DYM: variants seen among roughly 807,000 people sequenced by gnomAD.
The protein encoded by DYM is dyggve-Melchior-Clausen syndrome protein.
DYM carries 78 observed loss-of-function variants against 93.1 expected under a neutral mutation model. The observed-to-expected ratio is 0.84, with a 90% confidence interval of 0.70 to 1.01. The LOEUF (loss-of-function observed/expected upper bound fraction) is 1.01, where lower values mean the gene tolerates loss of function less well. DYM is among the 50% of genes least tolerant of loss of function. The pLI is 0.00. For missense variants in DYM, 789 were observed against 845.0 expected, an observed-to-expected ratio of 0.93 and a Z score of 0.82; for synonymous variants, 321 against 319.7, an observed-to-expected ratio of 1.00 and a Z score of -0.04.
intron 13 of DYM, among the ~76,000 whole-genome samples, chr18:49,233,267 G>A (rs913546172): frequency 1.3e-5 from 2 of 151,570 alleles, no homozygotes; most frequent in Non-Finnish European, 2.9e-5. Flanking sequence ...GCTGAGGCAG[G>A]AGAATTGCTG....
At chr18:49,250,440 C>G (rs1307663877) in intron 13 of DYM, among the ~76,000 whole-genome samples, 1 of 152,220 alleles carries the variant, frequency 6.6e-6, no homozygotes, top group Non-Finnish European at 1.5e-5. Flanking sequence ...TAGCTTTCTC[C>G]TTTCCTGGGT....
In DYM at chr18:49,292,351, GACAGACACACACAC is replaced by G. The variant is rs1190513601; in HGVS notation, c.764-5749_764-5736del. ...AGGCAGGCAGGCAGACAGACAGACA[GACAGACACACACAC>G]ACACACACACACACACACACACACA... On this transcript the variant is annotated intron_variant, in intron 8 of 17. Coordinates refer to ENST00000675505, the MANE Select transcript of DYM (RefSeq NM_001353214.3). Among the ~76,000 whole-genome samples, 406 of 106,702 alleles carry G rather than the reference GACAGACACACACAC, an allele frequency of 3.8e-3. 7 individuals carry two copies. The highest frequency in any genetic ancestry group is 0.023 in the South Asian group (65 of 2,816). The allele number at this position is 106,702 out of a possible 152,430, so 70.0% of individuals were successfully genotyped here. A position where few individuals can be genotyped will look rare whatever the true frequency, so the allele number is the denominator to read the frequency against.
At chr18:49,457,598 A>T (rs775750508) in intron 1 of DYM, among the ~76,000 whole-genome samples, 13 of 152,246 alleles carry the variant, frequency 8.5e-5, no homozygotes, top group Non-Finnish European at 1.5e-4. Flanking sequence ...TTGCATGTAC[A>T]GCAGCAAAAG....
At chr18:49,316,527 A>G (rs1005605261) in intron 8 of DYM, among the ~76,000 whole-genome samples, 26 of 152,262 alleles carry the variant, frequency 1.7e-4, no homozygotes, top group Admixed American at 1.3e-3. Flanking sequence ...CTAAATGCAC[A>G]TAAGATGCAA....
chr18:49,433,276 T>C (rs1011253414), intron 1 of DYM, among the ~76,000 whole-genome samples: 4 of 152,192 alleles, frequency 2.6e-5, no homozygotes, highest in Admixed American at 6.5e-5. Context: ...ATAATAGTTA[T>C]ATGGAGAATA....
chr18:49,090,884 T>C (rs1467720281), intron 17 of DYM, among the ~76,000 whole-genome samples: 1 of 152,210 alleles, frequency 6.6e-6, no homozygotes, highest in Non-Finnish European at 1.5e-5. Context: ...AATTAGCTTA[T>C]TGATGAGAAC....
intron 17 of DYM, among the ~76,000 whole-genome samples, chr18:49,067,550 T>C (rs1445005433): frequency 6.6e-6 from 1 of 151,930 alleles, no homozygotes; most frequent in Non-Finnish European, 1.5e-5. Flanking sequence ...TTGGGGAGAA[T>C]CTCTGGCCTT....
intron 13 of DYM, among the ~76,000 whole-genome samples, chr18:49,232,204 T>G (rs956617983): frequency 1.3e-5 from 2 of 152,168 alleles, no homozygotes; most frequent in African/African-American, 4.8e-5. Context: ...TCCCCCCACT[T>G]TCCATATTCA....
In DYM at chr18:49,351,695, G is replaced by A. The variant is rs2065133750; in HGVS notation, c.494+11466C>T. On this transcript the variant is annotated intron_variant, in intron 6 of 17. Transcript: ENST00000675505. Reference sequence around the variant, plus strand: ...AATGGAATATCTTCAAAACTCTAGGGAATACTGATTATCAGAAACTCATAA... The same window carrying A: ...AATGGAATATCTTCAAAACTCTAGGAAATACTGATTATCAGAAACTCATAA... Among the ~76,000 whole-genome samples, 5 of 152,044 alleles carry A rather than the reference G, an allele frequency of 3.3e-5. No individual in the cohort carries two copies. In the South Asian group the frequency reaches 1.0e-3, roughly 32 times the overall value.
intron 15 of DYM, among the ~76,000 whole-genome samples, chr18:49,145,781 T>G (rs2144588461): frequency 2.6e-5 from 4 of 152,306 alleles, no homozygotes; most frequent in Middle Eastern, 6.8e-3. Flanking sequence ...GGTAGAAGAT[T>G]TATCTGTTTG....
At chr18:49,458,879 G>T (rs1269218600) in intron 1 of DYM, among the ~76,000 whole-genome samples, 1 of 152,082 alleles carries the variant, frequency 6.6e-6, no homozygotes, top group Non-Finnish European at 1.5e-5. Flanking sequence ...ATCTTCTACA[G>T]ATATATATTG....
intron 12 of DYM, among the ~76,000 whole-genome samples, chr18:49,257,831 C>T (rs2094418801): frequency 6.6e-6 from 1 of 151,004 alleles, no homozygotes; most frequent in Admixed American, 6.6e-5. Context: ...GCAGCCTAGG[C>T]TGAAGGGCAG....
At chr18:49,198,991 A>G (rs1414252821) in intron 14 of DYM, among the ~76,000 whole-genome samples, 1 of 152,184 alleles carries the variant, frequency 6.6e-6, no homozygotes, top group Non-Finnish European at 1.5e-5. Context: ...ATGTCCAACA[A>G]TGATAGACTG....
At chr18:49,176,138 T>G (rs1261175571) in intron 14 of DYM, among the ~76,000 whole-genome samples, 2 of 152,090 alleles carry the variant, frequency 1.3e-5, no homozygotes, top group Admixed American at 6.6e-5. Flanking sequence ...CTAGCTAAGG[T>G]AACTAAAGTC....
At chr18:49,404,227 C>T (rs1455462239) in intron 2 of DYM, among the ~76,000 whole-genome samples, 2 of 152,058 alleles carry the variant, frequency 1.3e-5, no homozygotes, top group Admixed American at 6.6e-5. Flanking sequence ...AGGCTGGTCT[C>T]GAACTCCTGA....
At chr18:49,317,750 G>A (rs1255460468) in intron 8 of DYM, among the ~76,000 whole-genome samples, 1 of 149,512 alleles carries the variant, frequency 6.7e-6, no homozygotes, top group Non-Finnish European at 1.5e-5. Flanking sequence ...GGGACTGTAG[G>A]TGCCTGCCAC....
At position 49,043,734 on chromosome 18, in the gene DYM, G is replaced by A. The variant is rs534359076; in HGVS notation, c.*321C>T. On this transcript the variant is annotated 3_prime_UTR_variant, in exon 18 of 18. Coordinates refer to ENST00000675505, the MANE Select transcript of DYM (RefSeq NM_001353214.3). ...GTTGGATAGTGTGCACTGTTGAAGT[G>A]TGATGTGCCTAAGGCAACAGGATCT... is the stretch of plus-strand genomic sequence containing the variant. 1 of 377,112 alleles carries A rather than the reference G, an allele frequency of 2.7e-6. No individual in the cohort carries two copies. Among genetic ancestry groups the A allele is most frequent in the Admixed American group, 4.1e-5 (1 of 24,494 alleles). 23.4% of individuals were successfully genotyped at this position (377,112 alleles called of 1,614,324 possible). A position where few individuals can be genotyped will look rare whatever the true frequency, so the allele number is the denominator to read the frequency against.
chr18:49,396,925 G>T (rs994554734), intron 2 of DYM, among the ~76,000 whole-genome samples: 4 of 152,168 alleles, frequency 2.6e-5, no homozygotes, highest in Admixed American at 6.5e-5. Flanking sequence ...GACAGGCAGG[G>T]AGAGGGAGAG....
At chr18:49,353,021 A>T (rs944192988) in intron 6 of DYM, among the ~76,000 whole-genome samples, 1 of 152,150 alleles carries the variant, frequency 6.6e-6, no homozygotes, top group African/African-American at 2.4e-5. Flanking sequence ...ATAGGTCCAA[A>T]ATGTAGAAAC....
Sources: allele counts gnomAD v4.1 joint callset (sites outside exome capture counted in the v4.1 genomes callset), GRCh38; gene constraint gnomAD v4.1.1; transcripts MANE v1.5; gene names NCBI Gene and HGNC (gene_info 2026-07-23, HGNC 2026-07-21).